Variants in CNIH3 observed in about 807,000 individuals in gnomAD.
CNIH3 encodes the protein cornichon family AMPA receptor auxiliary protein 3.
CNIH3 carries 14 observed loss-of-function variants against 24.1 expected under a neutral mutation model. The observed-to-expected ratio is 0.58, with a 90% CI of 0.38 to 0.91. The LOEUF is 0.91. Ranked by LOEUF, CNIH3 falls within the 40% of genes least tolerant of loss-of-function variation. CNIH3 has a pLI of 0.00. For missense variants in CNIH3, 178 were observed against 196.8 expected (o/e 0.90, Z 0.57); for synonymous variants, 68 against 73.8 (o/e 0.92, Z 0.40).
chr1:224,565,018 G>A (rs1680523497), intron 3 of CNIH3, among the ~76,000 whole-genome samples: 2 of 152,188 alleles, frequency 1.3e-5, no homozygotes, highest in South Asian at 2.1e-4. Context: ...CTAAGGCTAT[G>A]TGTGAGCAGA....
chr1:224,541,419 G>A (rs1679507288), downstream of CNIH3, among the ~76,000 whole-genome samples: 1 of 152,052 alleles, frequency 6.6e-6, no homozygotes. Context: ...ACAAATGGAA[G>A]AAAAAGGGGA....
chr1:224,553,582 G>C (rs1407636736), intron 3 of CNIH3, among the ~76,000 whole-genome samples: 2 of 152,038 alleles, frequency 1.3e-5, no homozygotes, highest in Admixed American at 6.6e-5. Context: ...GGCTGTTAGT[G>C]CCCTCTGCTT....
intron 1 of CNIH3, among the ~76,000 whole-genome samples, chr1:224,670,188 A>T (rs1431189713): frequency 6.6e-6 from 1 of 152,234 alleles, no homozygotes; most frequent in African/African-American, 2.4e-5. Context: ...CTAAAGAGGC[A>T]GCACCTGTTA....
Position 224,730,468 on chromosome 1 carries a change from C to A in CNIH3, c.205C>A (p.Leu69Met). Residue 69 changes from leucine (L) to methionine (M), a missense_variant, in exon 4 of 6, where the codon CTG (leucine) becomes ATG (methionine). By Grantham distance (15) the Leu-to-Met change is conservative. Transcript: ENST00000272133. ...GTCTCTGCTCCCTCTTCAGCTGGTG[C>A]TGCCAGAATACTCCATCCATAGCCT... is the stretch of plus-strand genomic sequence containing the variant. ...RICFLLRKLVLPEYSIHSLFC... is the reference protein window; with the variant it reads ...RICFLLRKLVMPEYSIHSLFC... 1 of 1,554,114 alleles carries A rather than the reference C, an allele frequency of 6.4e-7. No individual in the cohort carries two copies. The highest frequency in any genetic ancestry group is 1.9e-5 in the Admixed American group (1 of 51,354).
chr1:224,734,419 C>T (rs949127595), intron 4 of CNIH3, 144 bp from the exon 5 acceptor site: 20 of 726,436 alleles, frequency 2.8e-5, no homozygotes, highest in African/African-American at 3.5e-5. Flanking sequence ...CACTCTTCAG[C>T]GGTGCTTCAA....
chr1:224,486,586 C>T (rs1162347337), intron 1 of CNIH3, among the ~76,000 whole-genome samples: 2 of 152,012 alleles, frequency 1.3e-5, no homozygotes, highest in African/African-American at 4.8e-5. Context: ...TGAATATATA[C>T]GTATACATAC....
At chr1:224,660,032 C>T (rs549835744) in intron 1 of CNIH3, among the ~76,000 whole-genome samples, 2 of 152,186 alleles carry the variant, frequency 1.3e-5, no homozygotes, top group Non-Finnish European at 2.9e-5. Flanking sequence ...ACATCTCTCT[C>T]CCCTACCACT....
chr1:224,726,849 A>G (rs1035740701), intron 3 of CNIH3, among the ~76,000 whole-genome samples: 9 of 152,166 alleles, frequency 5.9e-5, no homozygotes, highest in Non-Finnish European at 1.2e-4. Context: ...TTGTTGAAAG[A>G]ATGAGATTGG....
chr1:224,670,054 C>T (rs1203625634), intron 1 of CNIH3, among the ~76,000 whole-genome samples: 1 of 151,980 alleles, frequency 6.6e-6, no homozygotes. Context: ...AGAGATTATT[C>T]TCATTTTATG....
At position 224,704,017 on chromosome 1, in the gene CNIH3, A is replaced by G. The variant is rs1351369474; in HGVS notation, c.198+19174A>G. Among the ~76,000 whole-genome samples the G allele has an allele frequency of 1.3e-5, 2 of 149,784 alleles. No homozygotes were observed. Among genetic ancestry groups the G allele is most frequent in the Non-Finnish European group, 2.9e-5 (2 of 68,032 alleles). On this transcript the variant is annotated intron_variant, in intron 3 of 5. Coordinates refer to ENST00000272133, the MANE Select transcript of CNIH3 (RefSeq NM_152495.2). This position sits in a 1 kb window ranked among gnomAD's most constrained non-coding sequence, Gnocchi z 4.2. ...GAGTTTCATTGGATTGGATTCTGTA[A>G]TACATCTCTCAGAGGTGCGCCTTTG... is the stretch of plus-strand genomic sequence containing the variant.
chr1:224,732,693 G>A (rs1689400733), intron 4 of CNIH3, among the ~76,000 whole-genome samples: 1 of 152,182 alleles, frequency 6.6e-6, no homozygotes, highest in Admixed American at 6.5e-5. Flanking sequence ...GTAGGGGGCT[G>A]TCAAGGCAGG....
chr1:224,612,411 T>TA (rs760370185), upstream of CNIH3, among the ~76,000 whole-genome samples: 2 of 152,108 alleles, frequency 1.3e-5, no homozygotes, highest in East Asian at 1.9e-4. This position sits in a 1 kb window ranked among gnomAD's most constrained non-coding sequence, Gnocchi z 4.7. Flanking sequence ...GCTATGCCTT[T>TA]AGTACTCTGT....
chr1:224,448,964 T>C (rs1675274585), intron 1 of CNIH3, among the ~76,000 whole-genome samples: 1 of 149,578 alleles, frequency 6.7e-6, no homozygotes. Context: ...TGGGATTCTT[T>C]TTTTTTTTTT....
intron 4 of CNIH3, chr1:224,575,178 C>T: frequency 1.8e-6 from 2 of 1,082,886 alleles, no homozygotes; most frequent in Non-Finnish European, 2.9e-6. Context: ...AACTACAGCC[C>T]AGGTTCTGAT....
rs368135429 is a variant in CNIH3 at position 224,572,631 on chromosome 1, T to G, written n.516+6367T>G. Among the ~76,000 whole-genome samples, 167 of 136,722 alleles carry G rather than the reference T, an allele frequency of 1.2e-3. 1 individual carries two copies. The highest frequency in any genetic ancestry group is 4.2e-3 in the African/African-American group (160 of 37,960). The allele number at this position is 136,722 out of a possible 152,430, so 89.7% of individuals were successfully genotyped here. The stretch of plus-strand genomic sequence containing the variant: ...TCCCTTGATGAATTTTAGGATAGGG[T>G]TTTTTTTTTTTTTAATATTTCTGCC... On this transcript the variant is annotated intron_variant and non_coding_transcript_variant, in intron 4 of 5. Coordinates refer to the CNIH3 transcript ENST00000471578.
At chr1:224,613,519 G>A (rs1303807241), upstream of CNIH3, among the ~76,000 whole-genome samples, 1 of 152,118 alleles carries the variant, frequency 6.6e-6, no homozygotes, top group Admixed American at 6.5e-5. Context: ...ATATAGTTTG[G>A]GTTATTTGTC....
At chr1:224,692,468 C>A (rs1332730837) in intron 3 of CNIH3, among the ~76,000 whole-genome samples, 2 of 152,024 alleles carry the variant, frequency 1.3e-5, no homozygotes, top group African/African-American at 4.8e-5. Flanking sequence ...GGACATGATA[C>A]GTGAAAAGGG....
At chr1:224,535,039 C>T (rs1328348830) in intron 2 of CNIH3, among the ~76,000 whole-genome samples, 1 of 152,158 alleles carries the variant, frequency 6.6e-6, no homozygotes, top group African/African-American at 2.4e-5. Flanking sequence ...TGAATTGTGT[C>T]TGCCCCCAAA....
intron 3 of CNIH3, among the ~76,000 whole-genome samples, chr1:224,598,540 G>T (rs1398533645): frequency 1.3e-5 from 2 of 152,210 alleles, no homozygotes; most frequent in Non-Finnish European, 2.9e-5. Context: ...AAACAGCATT[G>T]CATGCTACAG....
Sources: gnomAD v4.1 joint callset for allele counts (sites outside exome capture counted in the v4.1 genomes callset) on GRCh38, gnomAD v4.1.1 for gene constraint, Gnocchi (gnomAD v3.1) non-coding constraint, MANE v1.5 for transcripts, NCBI Gene and HGNC (gene_info 2026-07-23, HGNC 2026-07-21) for gene names.